Variants in MMP26 observed in about 807,000 individuals in gnomAD.
MMP26 encodes the protein matrix metallopeptidase 26.
MMP26 carries 33 observed loss-of-function variants against 31.0 expected under a neutral mutation model. The observed-to-expected ratio is 1.06, with a 90% CI of 0.81 to 1.42. The LOEUF is 1.42. Among genes scored for constraint, MMP26 ranks in the 40% most tolerant of loss-of-function variants. The probability of loss-of-function intolerance (pLI) is 0.00; values close to 1 mark genes in which losing one functional copy is unlikely to be tolerated. For missense variants in MMP26, 347 were observed against 316.1 expected (o/e 1.10, Z -0.74); for synonymous variants, 122 against 114.9 (o/e 1.06, Z -0.40).
intron 2 of MMP26, among the ~76,000 whole-genome samples, chr11:4,968,513 G>T (rs1218173976): frequency 8.6e-6 from 1 of 115,730 alleles, no homozygotes; most frequent in East Asian, 2.6e-4. Flanking sequence ...AAAGTGTGAA[G>T]ACTTGATTCT....
At chr11:4,961,350 G>A (rs1415924269) in intron 2 of MMP26, among the ~76,000 whole-genome samples, 1 of 152,150 alleles carries the variant, frequency 6.6e-6, no homozygotes, top group Non-Finnish European at 1.5e-5. Flanking sequence ...TGGGCCCCTG[G>A]CTGATTCGAT....
At chr11:4,869,698 C>A (rs1264236862) in intron 2 of MMP26, among the ~76,000 whole-genome samples, 1 of 152,124 alleles carries the variant, frequency 6.6e-6, no homozygotes, top group Non-Finnish European at 1.5e-5. Flanking sequence ...TACCATTTGA[C>A]CCAGCAATCC....
intron 1 of MMP26, among the ~76,000 whole-genome samples, chr11:4,737,354 C>T (rs1468643066): frequency 1.3e-5 from 2 of 151,856 alleles, no homozygotes; most frequent in Admixed American, 6.6e-5. Flanking sequence ...TTTTCAAAAC[C>T]CAGAGGTGGC....
chr11:4,836,884 G>A (rs1227962165), intron 2 of MMP26, among the ~76,000 whole-genome samples: 1 of 151,268 alleles, frequency 6.6e-6, no homozygotes. Flanking sequence ...GGCCAGGCTG[G>A]TCCCGAACTC....
At chr11:4,991,784 A>G (rs1451950679) in intron 6 of MMP26, among the ~76,000 whole-genome samples, 180 bp from the exon 7 acceptor site, 2 of 151,938 alleles carry the variant, frequency 1.3e-5, no homozygotes, top group African/African-American at 4.8e-5. Context: ...CTGTCCAAAT[A>G]TCTTGCCATT....
chr11:4,954,100 A>G (rs10500621), intron 2 of MMP26, among the ~76,000 whole-genome samples: 3,577 of 125,870 alleles, frequency 0.028, 981 homozygotes, highest in Middle Eastern at 0.053. Context: ...AAGAAGTGAG[A>G]GTTCAAATTT....
chr11:4,857,389 G>A (rs934854286), intron 2 of MMP26, among the ~76,000 whole-genome samples: 5 of 151,538 alleles, frequency 3.3e-5, no homozygotes, highest in African/African-American at 4.8e-5. Context: ...ATGATAAAGG[G>A]GATATCACCA....
intron 2 of MMP26, chr11:4,945,365 A>C (rs1354429446): frequency 6.6e-6 from 1 of 152,196 alleles, no homozygotes; most frequent in Non-Finnish European, 1.5e-5. Context: ...CAGTAGGTTG[A>C]TGTGGCTGGA....
intron 2 of MMP26, chr11:4,803,388 C>T (rs758255666): frequency 7.9e-7 from 1 of 1,270,810 alleles, no homozygotes. Flanking sequence ...AATGTCCCCA[C>T]ATTAGTGGGG....
At chr11:4,804,363 C>T (rs761064203) in intron 2 of MMP26, 5 of 1,614,096 alleles carry the variant, frequency 3.1e-6, no homozygotes, top group East Asian at 4.5e-5. Context: ...AAGAGCTGTT[C>T]CCTGAAGCCA....
intron 2 of MMP26, among the ~76,000 whole-genome samples, chr11:4,775,938 AT>A (rs1253738521): frequency 1.3e-5 from 2 of 152,116 alleles, no homozygotes; most frequent in African/African-American, 4.8e-5. Flanking sequence ...ATTATTATTC[AT>A]GCTCATTTCA....
At chr11:4,969,591 T>C (rs990489138) in intron 2 of MMP26, among the ~76,000 whole-genome samples, 3 of 152,080 alleles carry the variant, frequency 2.0e-5, no homozygotes, top group African/African-American at 7.2e-5. Flanking sequence ...TTTTTGTTTA[T>C]TTTTGTTTGT....
At chr11:4,716,484 G>C (rs569812327) in intron 1 of MMP26, among the ~76,000 whole-genome samples, 45 of 152,190 alleles carry the variant, frequency 3.0e-4, no homozygotes, top group Admixed American at 2.1e-3. Flanking sequence ...TAGGAAAGGA[G>C]ATACACACAG....
intron 2 of MMP26, among the ~76,000 whole-genome samples, chr11:4,904,583 C>T (rs1850854864): frequency 6.6e-6 from 1 of 152,046 alleles, no homozygotes; most frequent in Non-Finnish European, 1.5e-5. Context: ...ATTTCATTTA[C>T]TCTTTGGTTT....
At chr11:4,790,056 A>G (rs1160185151) in intron 2 of MMP26, among the ~76,000 whole-genome samples, 4 of 152,116 alleles carry the variant, frequency 2.6e-5, no homozygotes, top group African/African-American at 9.7e-5. Flanking sequence ...TTAAGAAGCA[A>G]TTAGGCCAGG....
At chr11:4,780,549 G>T (rs1034679082) in intron 2 of MMP26, among the ~76,000 whole-genome samples, 1 of 151,368 alleles carries the variant, frequency 6.6e-6, no homozygotes, top group Non-Finnish European at 1.5e-5. Context: ...GTTTATTTTT[G>T]CATGTAATTA....
intron 1 of MMP26, among the ~76,000 whole-genome samples, chr11:4,729,728 C>CAT (rs141566085): frequency 0.049 from 7,311 of 150,302 alleles, 481 homozygotes; most frequent in African/African-American, 0.15. Context: ...CAGGTGTGAG[C>CAT]ATATATATAT....
chr11:4,741,931 C>G (rs760889080), intron 1 of MMP26, among the ~76,000 whole-genome samples: 1 of 152,112 alleles, frequency 6.6e-6, no homozygotes, highest in Non-Finnish European at 1.5e-5. Flanking sequence ...TGGCTATGTT[C>G]AAATGGTTGA....
chr11:4,831,384 G>T (rs142746628), intron 2 of MMP26, among the ~76,000 whole-genome samples: 1 of 152,272 alleles, frequency 6.6e-6, no homozygotes, highest in East Asian at 1.9e-4. Context: ...AATGGTGTTT[G>T]CTACCAGACT....
Sources: allele counts gnomAD v4.1 joint callset (sites outside exome capture counted in the v4.1 genomes callset), GRCh38; gene constraint gnomAD v4.1.1; transcripts MANE v1.5; gene names NCBI Gene and HGNC (gene_info 2026-07-23, HGNC 2026-07-21).